The following TRPM3 variants were observed in gnomAD, a reference collection of about 807,000 sequenced individuals.
TRPM3 encodes long transient receptor potential channel 3.
TRPM3 carries 77 observed loss-of-function variants against 181.2 expected under a neutral mutation model. That is an observed-to-expected ratio of 0.42 (90% CI 0.35 to 0.51). TRPM3 has a LOEUF of 0.51. Among genes scored for constraint, TRPM3 ranks in the 20% least tolerant of loss-of-function variants. The probability of loss-of-function intolerance (pLI) is 0.01; values close to 1 mark genes in which losing one functional copy is unlikely to be tolerated. For missense variants in TRPM3, 1,759 were observed against 2,196.7 expected (o/e 0.80, Z 3.98); for synonymous variants, 745 against 796.4 (o/e 0.94, Z 1.09).
intron 7 of TRPM3, among the ~76,000 whole-genome samples, chr9:70,772,187 G>C (rs940062455): frequency 6.7e-6 from 1 of 150,244 alleles, no homozygotes; most frequent in African/African-American, 2.5e-5. Flanking sequence ...TTACTCACAT[G>C]TGGCTATTTA....
intron 1 of TRPM3, among the ~76,000 whole-genome samples, chr9:70,914,110 G>A (rs1053650608): frequency 6.6e-6 from 1 of 152,188 alleles, no homozygotes; most frequent in African/African-American, 2.4e-5. Flanking sequence ...TAAGAGGTTA[G>A]GTCCTTTTGG....
chr9:71,225,792 G>T (rs1360358209), intron 1 of TRPM3, among the ~76,000 whole-genome samples: 1 of 151,710 alleles, frequency 6.6e-6, no homozygotes, highest in East Asian at 1.9e-4. Flanking sequence ...TAGTAGCTGG[G>T]ATTACAGGCA....
At chr9:71,102,692 C>A (rs2068624127) in intron 1 of TRPM3, among the ~76,000 whole-genome samples, 1 of 152,146 alleles carries the variant, frequency 6.6e-6, no homozygotes, top group Admixed American at 6.6e-5. Flanking sequence ...TTTCCTCAAG[C>A]AAAATTAGTT....
At chr9:71,302,257 A>G (rs531926892) in intron 1 of TRPM3, among the ~76,000 whole-genome samples, 1 of 152,310 alleles carries the variant, frequency 6.6e-6, no homozygotes, top group African/African-American at 2.4e-5. Context: ...GTCTGAAATC[A>G]TAGAAATTTG....
chr9:70,804,676 C>G (rs1322727377), intron 6 of TRPM3, among the ~76,000 whole-genome samples: 2 of 148,682 alleles, frequency 1.3e-5, no homozygotes, highest in African/African-American at 5.2e-5. Flanking sequence ...AAACTCAGTT[C>G]TTGGTTTCCT....
At chr9:70,811,309 A>G in intron 6 of TRPM3, 1 of 1,359,630 alleles carries the variant, frequency 7.4e-7, no homozygotes, top group Non-Finnish European at 1.0e-6. Context: ...TTATTAAAGC[A>G]GATGGATTAC....
intron 1 of TRPM3, among the ~76,000 whole-genome samples, chr9:70,994,134 G>T (rs967285658): frequency 6.6e-6 from 1 of 152,142 alleles, no homozygotes; most frequent in African/African-American, 2.4e-5. Flanking sequence ...AGTCATGGAG[G>T]TCTGAGTCCT....
At chr9:70,769,121 C>T (rs532162915) in intron 7 of TRPM3, among the ~76,000 whole-genome samples, 308 of 152,268 alleles carry the variant, frequency 2.0e-3, no homozygotes, top group African/African-American at 7.1e-3. Context: ...CTATTGCATC[C>T]TTCTTAAACC....
chr9:71,059,011 ATTTTTTTTT>A (rs1162577364), intron 1 of TRPM3, among the ~76,000 whole-genome samples: 5 of 52,638 alleles, frequency 9.5e-5, no homozygotes, highest in Admixed American at 3.8e-4. Context: ...TTGTTTGTTC[ATTTTTTTTT>A]TTTTTTTTTT....
chr9:70,596,290 C>T (rs2059007120), intron 21 of TRPM3, among the ~76,000 whole-genome samples: 1 of 152,170 alleles, frequency 6.6e-6, no homozygotes, highest in Non-Finnish European at 1.5e-5. Context: ...TTCTTCCTCT[C>T]TTTGCATGAG....
chr9:70,664,899 C>G (rs1358316037), intron 9 of TRPM3, among the ~76,000 whole-genome samples: 2 of 152,114 alleles, frequency 1.3e-5, no homozygotes, highest in African/African-American at 2.4e-5. Flanking sequence ...ATCCACCCCC[C>G]TCAGCCTCCC....
At chr9:70,876,628 CCT>C (rs990847892) in intron 1 of TRPM3, among the ~76,000 whole-genome samples, 1 of 151,624 alleles carries the variant, frequency 6.6e-6, no homozygotes, top group Non-Finnish European at 1.5e-5. Context: ...TTTTTTTCCT[CCT>C]CTCTGTTTTC....
rs549933668 is a variant in TRPM3 at position 71,200,522 on chromosome 9, G to A, written c.183+246131C>T. Reference sequence around the variant, plus strand: ...TGTGGGAGTCTAAGTCTCTTCGTAGGTCACTCAGGACTTGCTTTATGAATC... The same window carrying A: ...TGTGGGAGTCTAAGTCTCTTCGTAGATCACTCAGGACTTGCTTTATGAATC... On this transcript the variant is annotated intron_variant, in intron 1 of 24. Transcript: ENST00000357533. 1.3e-3 allele frequency among the ~76,000 whole-genome samples: 192 copies of A among 152,096 alleles called. 3 individuals carry two copies. Among genetic ancestry groups the A allele is most frequent in the Admixed American group, 0.011 (174 of 15,254 alleles).
chr9:70,551,723 A>T (rs527843129), intron 24 of TRPM3, among the ~76,000 whole-genome samples: 4 of 152,262 alleles, frequency 2.6e-5, no homozygotes, highest in African/African-American at 9.6e-5. Context: ...CATTCATTAG[A>T]GCATCCCGCT....
intron 1 of TRPM3, among the ~76,000 whole-genome samples, chr9:71,444,710 A>G (rs1468954334): frequency 6.6e-6 from 1 of 152,220 alleles, no homozygotes; most frequent in Admixed American, 6.5e-5. Context: ...GTTTGCATAG[A>G]TAAGTTGGGT....
intron 1 of TRPM3, among the ~76,000 whole-genome samples, chr9:71,103,203 C>T (rs557650043): frequency 6.6e-6 from 1 of 152,152 alleles, no homozygotes; most frequent in African/African-American, 2.4e-5. Context: ...CTGTATCAAA[C>T]ACTTGTATTA....
At chr9:71,242,268 T>C (rs2081749755) in intron 1 of TRPM3, among the ~76,000 whole-genome samples, 1 of 152,200 alleles carries the variant, frequency 6.6e-6, no homozygotes, top group African/African-American at 2.4e-5. Context: ...ATGTGGTTTC[T>C]TCACTGGCAG....
intron 1 of TRPM3, among the ~76,000 whole-genome samples, chr9:71,072,669 C>T (rs1186651519): frequency 2.0e-5 from 3 of 152,128 alleles, no homozygotes; most frequent in Non-Finnish European, 2.9e-5. Context: ...CAATATCATG[C>T]ATTGTTGAAG....
intron 7 of TRPM3, among the ~76,000 whole-genome samples, chr9:70,781,326 T>TAAAAAAAAAAAAAAAAAAAAAAA (rs35173071): frequency 2.8e-4 from 30 of 106,092 alleles, no homozygotes; most frequent in African/African-American, 3.7e-4. Context: ...TTCCATTTCA[T>TAAAAAAAAAAAAAAAAAAAAAAA]AAAAAAAAAA....
Sources: gnomAD v4.1 joint callset for allele counts (sites outside exome capture counted in the v4.1 genomes callset) on GRCh38, gnomAD v4.1.1 for gene constraint, MANE v1.5 for transcripts, NCBI Gene and HGNC (gene_info 2026-07-23, HGNC 2026-07-21) for gene names.